MSH4: variants seen among roughly 807,000 people sequenced by gnomAD.
MSH4 encodes the protein mutS protein homolog 4.
Under a neutral mutation model 113.7 loss-of-function variants are expected in MSH4, and 106 were observed. The observed-to-expected ratio is 0.93, with a 90% confidence interval of 0.80 to 1.10. The LOEUF (loss-of-function observed/expected upper bound fraction) is 1.10. Ranked by LOEUF, MSH4 falls within the 50% of genes least tolerant of loss-of-function variation. MSH4 has a pLI of 0.00. For missense variants in MSH4, 1,061 were observed against 1,093.7 expected (o/e 0.97, Z 0.42); for synonymous variants, 368 against 380.2 (o/e 0.97, Z 0.37).
chr1:75,881,220 A>G (rs1651924111), intron 13 of MSH4, 26 bp from the exon 14 acceptor site: 2 of 1,453,932 alleles, frequency 1.4e-6, no homozygotes, highest in Non-Finnish European at 1.8e-6. Context: ...AAACATTATT[A>G]CATGTCTTAC....
chr1:75,844,306 GTTTATTACTTA>G (rs1482611732), intron 7 of MSH4, among the ~76,000 whole-genome samples: 1 of 152,112 alleles, frequency 6.6e-6, no homozygotes, highest in African/African-American at 2.4e-5. Context: ...AATGGTTAAA[GTTTATTACTTA>G]TTTATATTTA....
chr1:75,855,951 T>C (rs1651306265), intron 8 of MSH4, among the ~76,000 whole-genome samples: 1 of 152,236 alleles, frequency 6.6e-6, no homozygotes, highest in Admixed American at 6.5e-5. Context: ...TGTCAATTTA[T>C]GTAACATATA....
Position 75,809,185 on chromosome 1 carries a change from TGCTA to T in MSH4, c.589-1510_589-1507del, listed in dbSNP as rs1650133662. On this transcript the variant is annotated intron_variant, in intron 3 of 19. Transcript: ENST00000263187. ...TGAATTGCCCCTCGGGTTCCCAAAG[TGCTA>T]GAATTATAGGCATGAGCCATCGAGC... is the stretch of plus-strand genomic sequence containing the variant. Among the ~76,000 whole-genome samples the T allele has an allele frequency of 2.0e-5, 3 of 152,160 alleles. No individual in the cohort carries two copies. In the South Asian group the frequency reaches 6.2e-4, roughly 31 times the overall value.
chr1:75,822,433 T>C lies in MSH4; in HGVS notation c.1014T>C (p.Val338=), dbSNP rs771232349. Residue 338 remains valine (V), a synonymous_variant, in exon 7 of 20, where the codon GTT becomes GTC. Transcript: ENST00000263187. The part of the protein sequence containing the change: ...DYRNNHTLFG[V]LNYTKTPGGS... ...GGAATAATCACACTCTCTTTGGTGTTCTAAATTATACTAAGACTCCTGGAG... is the reference window on the plus strand; with the variant it reads ...GGAATAATCACACTCTCTTTGGTGTCCTAAATTATACTAAGACTCCTGGAG... The C allele has an allele frequency of 1.2e-5, 19 of 1,566,070 alleles. No individual in the cohort carries two copies. In the African/African-American group the frequency reaches 2.4e-4, roughly 20 times the overall value.
chr1:75,878,849 G>T, intron 11 of MSH4, 143 bp from the exon 12 acceptor site: 6 of 610,642 alleles, frequency 9.8e-6, no homozygotes, highest in East Asian at 3.6e-5. Context: ...AAAATTATTA[G>T]AGTTTGAAAG....
chr1:75,902,671 A>ATGTG (rs1557532083), intron 19 of MSH4, among the ~76,000 whole-genome samples: 6 of 100,244 alleles, frequency 6.0e-5, no homozygotes, highest in African/African-American at 2.1e-4. Context: ...ATATATGTGT[A>ATGTG]TGTATATATA....
rs570696951 is a variant in MSH4, at chr1:75,853,483, A to G, written c.1230+5207A>G. On this transcript the variant is annotated intron_variant, in intron 8 of 19. Coordinates refer to ENST00000263187, the MANE Select transcript of MSH4 (RefSeq NM_002440.4). ...GCACACAATTTTGATTTGTCTCATT[A>G]TGATGATAAGTTTGTATACTTGGTT... 4.6e-5 allele frequency among the ~76,000 whole-genome samples: 7 copies of G among 152,270 alleles called. No individual in the cohort carries two copies. In the South Asian group the frequency reaches 1.2e-3, roughly 27 times the overall value.
intron 7 of MSH4, among the ~76,000 whole-genome samples, chr1:75,831,017 C>G (rs147102009): frequency 0.041 from 6,169 of 152,122 alleles, 151 homozygotes; most frequent in African/African-American, 0.043. Flanking sequence ...GAGTCAAGAC[C>G]CATCAATGTG....
chr1:75,907,684 C>CTCTCTATAAATATATATA (rs1307238647), intron 19 of MSH4, among the ~76,000 whole-genome samples: 2 of 46,574 alleles, frequency 4.3e-5, no homozygotes, highest in South Asian at 7.5e-4. Flanking sequence ...CTCTCTCTCT[C>CTCTCTATAAATATATATA]TATACATATA....
chr1:75,849,560 A>G (rs1288236983), intron 8 of MSH4, among the ~76,000 whole-genome samples: 2 of 152,174 alleles, frequency 1.3e-5, no homozygotes, highest in African/African-American at 2.4e-5. Context: ...TAAAATCATC[A>G]CTAGATTGAA....
intron 7 of MSH4, among the ~76,000 whole-genome samples, chr1:75,827,823 T>C (rs1650591138): frequency 6.6e-6 from 1 of 152,164 alleles, no homozygotes; most frequent in Non-Finnish European, 1.5e-5. Flanking sequence ...TAAATATACA[T>C]GCACCCAATA....
intron 8 of MSH4, among the ~76,000 whole-genome samples, chr1:75,859,331 C>T (rs1429346806): frequency 6.6e-6 from 1 of 152,062 alleles, no homozygotes; most frequent in Non-Finnish European, 1.5e-5. Context: ...TCTTGACTGT[C>T]TAGTTCTTTT....
chr1:75,902,275 G>A (rs1386151494), intron 19 of MSH4, among the ~76,000 whole-genome samples: 2 of 151,968 alleles, frequency 1.3e-5, no homozygotes, highest in African/African-American at 4.8e-5. Context: ...ATTGCATACT[G>A]CTGTGAGTTG....
At chr1:75,888,091 A>T (rs1213244353) in intron 15 of MSH4, among the ~76,000 whole-genome samples, 1 of 150,710 alleles carries the variant, frequency 6.6e-6, no homozygotes, top group Non-Finnish European at 1.5e-5. Flanking sequence ...TACTACTGTT[A>T]TGATTATTAC....
At position 75,899,656 on chromosome 1, in the gene MSH4, A is replaced by AT; in HGVS notation, c.2571dup (p.Val858CysfsTer24). The AT allele has an allele frequency of 6.6e-7, 1 of 1,514,302 alleles. No homozygotes were observed. Among genetic ancestry groups the AT allele is most frequent in the Non-Finnish European group, 8.8e-7 (1 of 1,139,196 alleles). 93.8% of individuals were successfully genotyped at this position (1,514,302 alleles called of 1,614,324 possible). ...AGAGGTGTCATCACTTCCACCATCA[A>AT]TTGTCTTGGATGCCAAGGAAATCAC... On this transcript the variant is annotated frameshift_variant, in exon 19 of 20. Coordinates refer to ENST00000263187, the MANE Select transcript of MSH4 (RefSeq NM_002440.4). LOFTEE classifies it high-confidence loss of function.
At chr1:75,829,693 A>G (rs973100002) in intron 7 of MSH4, among the ~76,000 whole-genome samples, 3 of 152,184 alleles carry the variant, frequency 2.0e-5, no homozygotes, top group African/African-American at 7.2e-5. Flanking sequence ...TAGGACCTCC[A>G]GCAAACACCA....
At chr1:75,801,483 G>T (rs1420065146) in intron 1 of MSH4, among the ~76,000 whole-genome samples, 1 of 151,192 alleles carries the variant, frequency 6.6e-6, no homozygotes, top group South Asian at 2.1e-4. Flanking sequence ...CAGGAGGATT[G>T]CTTGAACCTG....
chr1:75,819,154 C>T (rs191596828), intron 6 of MSH4, among the ~76,000 whole-genome samples: 2 of 152,022 alleles, frequency 1.3e-5, no homozygotes, highest in African/African-American at 2.4e-5. Context: ...TATTTCCCCT[C>T]GCTCTTTGTC....
At chr1:75,899,784 C>A in intron 19 of MSH4, 78 bp downstream of exon 19, 1 of 478,280 alleles carries the variant, frequency 2.1e-6, no homozygotes, top group South Asian at 5.1e-5. Context: ...GACCTTTGAT[C>A]TAAATATATA....
Sources: allele counts gnomAD v4.1 joint callset (sites outside exome capture counted in the v4.1 genomes callset), GRCh38; gene constraint gnomAD v4.1.1; transcripts MANE v1.5; gene names NCBI Gene and HGNC (gene_info 2026-07-23, HGNC 2026-07-21).